CEMIP: variants seen among roughly 807,000 people sequenced by gnomAD.
CEMIP encodes cell migration-inducing and hyaluronan-binding protein.
In CEMIP, 105 loss-of-function variants were observed where a neutral mutation model predicts 156.9. The observed-to-expected ratio is 0.67, with a 90% CI of 0.57 to 0.79. The LOEUF (loss-of-function observed/expected upper bound fraction) is 0.79. CEMIP is among the 30% of genes least tolerant of loss of function. CEMIP has a pLI of 0.00. For synonymous variants in CEMIP, 676 were observed against 668.4 expected (o/e 1.01, Z -0.17); for missense variants, 1,457 against 1,769.4 (o/e 0.82, Z 3.17).
At chr15:80,853,156 C>T (rs1464048797) in intron 1 of CEMIP, among the ~76,000 whole-genome samples, 2 of 152,140 alleles carry the variant, frequency 1.3e-5, no homozygotes, top group Non-Finnish European at 2.9e-5. Context: ...ATTTAAGACC[C>T]TGGGAGAAAA....
chr15:80,878,766 A>T lies in CEMIP; in HGVS notation c.140A>T (p.Asn47Ile). 2 of 1,614,072 alleles carry T rather than the reference A, an allele frequency of 1.2e-6. No individual in the cohort carries two copies. The highest frequency in any genetic ancestry group is 1.7e-6 in the Non-Finnish European group (2 of 1,180,012). ...PDQSPELQPW[N>I]PGHDQDHHVH... ...CAGAGCCCTGAGTTGCAACCCTGGA[A>T]CCCTGGCCATGACCAAGACCACCAT... The change falls in exon 4 of 30, where the codon AAC becomes ATC. Residue 47 changes from asparagine to isoleucine, a missense_variant. Coordinates refer to ENST00000394685, the MANE Select transcript of CEMIP (RefSeq NM_001293298.2).
At chr15:80,826,499 C>A (rs896146901) in intron 1 of CEMIP, among the ~76,000 whole-genome samples, 3 of 152,192 alleles carry the variant, frequency 2.0e-5, no homozygotes, top group African/African-American at 7.2e-5. Flanking sequence ...TTTCAGTGTA[C>A]AAACCAAGTT....
chr15:80,909,112 A>C lies in CEMIP; in HGVS notation c.1603A>C (p.Lys535Gln), dbSNP rs774032614. The C allele has an allele frequency of 6.2e-7, 1 of 1,614,036 alleles. No homozygotes were observed. The highest frequency in any genetic ancestry group is 1.7e-4 in the Middle Eastern group (1 of 5,966). ...GGHIKFALGF[K>Q]AAHLEGTELK... The stretch of plus-strand genomic sequence containing the variant: ...CCTCTCCTAGTTTGCTCTGGGATTT[A>C]AGGCAGCACACTTGGAGGGCACGGA... Residue 535 changes from lysine (K) to glutamine (Q), a missense_variant, in exon 14 of 30, where the codon AAG becomes CAG. Physicochemically the swap from Lys to Gln is moderately conservative, Grantham distance 53 (BLOSUM62 1). Transcript: ENST00000394685.
chr15:80,896,730 C>T (rs1295152677), intron 12 of CEMIP, among the ~76,000 whole-genome samples: 2 of 152,136 alleles, frequency 1.3e-5, no homozygotes, highest in African/African-American at 4.8e-5. Flanking sequence ...AGTTATGTAT[C>T]AATTAGAGTT....
At chr15:80,856,670 G>A (rs1897859534) in intron 1 of CEMIP, among the ~76,000 whole-genome samples, 1 of 152,142 alleles carries the variant, frequency 6.6e-6, no homozygotes, top group Non-Finnish European at 1.5e-5. Context: ...ACAGCTCCCT[G>A]GCCCTGGGTA....
At chr15:80,871,417 A>G (rs1898286641) in intron 1 of CEMIP, among the ~76,000 whole-genome samples, 1 of 152,028 alleles carries the variant, frequency 6.6e-6, no homozygotes, top group African/African-American at 2.4e-5. Context: ...CCAGAAAGTG[A>G]CTCTTTTTTG....
At position 80,906,622 on chromosome 15, in the gene CEMIP, C is replaced by G. The variant is rs369848452; in HGVS notation, c.1412-41C>G. 1 of 1,583,618 alleles carries G rather than the reference C, an allele frequency of 6.3e-7. No homozygotes were observed. The highest frequency in any genetic ancestry group is 1.3e-5 in the African/African-American group (1 of 74,552). ...AGGGGCCCAGAACTCAGTGGGCATG[C>G]AGTACCTGCTGTTGTTTACCGTCCT... On this transcript the variant is annotated intron_variant, in intron 12 of 29. Transcript: ENST00000394685. The surrounding 1 kb of genome is among the most constrained non-coding windows in gnomAD (Gnocchi z 4.3).
chr15:80,868,123 C>T (rs766027124), intron 1 of CEMIP, among the ~76,000 whole-genome samples: 11 of 152,014 alleles, frequency 7.2e-5, no homozygotes, highest in East Asian at 1.9e-4. Flanking sequence ...CCAGGAGCCA[C>T]GGCATGGATT....
intron 28 of CEMIP, chr15:80,946,245 A>C (rs1411911581): frequency 6.5e-6 from 1 of 152,760 alleles, no homozygotes; most frequent in Non-Finnish European, 1.5e-5. Flanking sequence ...GCCTGTGTCC[A>C]TCAAAAGAAG....
rs745428233 is a variant in CEMIP, at chr15:80,932,054, A to C, written c.2793+15A>C. The stretch of plus-strand genomic sequence containing the variant: ...AGGACGTTCCGGTGAGTGAGGCGCC[A>C]GGGCAGACTCCCGGCAAACCCAGAC... On this transcript the variant is annotated intron_variant, in intron 22 of 29. Transcript: ENST00000394685. The surrounding 1 kb of genome is among the most constrained non-coding windows in gnomAD (Gnocchi z 4.5). 1 of 1,611,770 alleles carries C rather than the reference A, an allele frequency of 6.2e-7. No homozygotes were observed. The highest frequency in any genetic ancestry group is 1.3e-5 in the African/African-American group (1 of 75,052).
intron 12 of CEMIP, among the ~76,000 whole-genome samples, chr15:80,900,652 G>GTGTGTGTGTC (rs1899480122): frequency 7.1e-6 from 1 of 141,564 alleles, no homozygotes; most frequent in Non-Finnish European, 1.5e-5. Flanking sequence ...GTGTGTGTCT[G>GTGTGTGTGTC]TGTGTGTGTC....
chr15:80,830,075 G>A (rs894758811), intron 1 of CEMIP, among the ~76,000 whole-genome samples: 1 of 149,876 alleles, frequency 6.7e-6, no homozygotes, highest in Admixed American at 6.6e-5. Context: ...CAGTTTTTAT[G>A]TTATAAGGGG....
rs368233421 is a variant in CEMIP at position 80,922,136 on chromosome 15, G to A, written c.2201G>A (p.Arg734Gln). 58 of 1,614,180 alleles carry A rather than the reference G, an allele frequency of 3.6e-5. No individual in the cohort carries two copies. The highest frequency in any genetic ancestry group is 5.3e-5 in the African/African-American group (4 of 75,068). ...FYNNRAHSNY[R>Q]AGMIIDNGVK... ...AACAACCGAGCACATTCCAACTACC[G>A]GGTAAGTCTTTCCAGGCTGCGCCTC... Residue 734 changes from arginine to glutamine, a missense_variant and splice_region_variant, in exon 17 of 30, where the codon CGG becomes CAG. Around this residue, in one of 5 missense-constraint regions of CEMIP, gnomAD observed 798 missense variants for 980.1 expected, o/e 0.81. Transcript: ENST00000394685.
chr15:80,797,768 C>G (rs56067815), intron 1 of CEMIP, among the ~76,000 whole-genome samples: 64,891 of 152,158 alleles, frequency 0.43, 15,759 homozygotes, highest in East Asian at 0.61. Flanking sequence ...CACGGTGGAC[C>G]TGGGAACTAG....
chr15:80,918,755 G>T (rs1181497295), intron 14 of CEMIP, among the ~76,000 whole-genome samples: 1 of 152,178 alleles, frequency 6.6e-6, no homozygotes, highest in Non-Finnish European at 1.5e-5. Context: ...TTGCAAGGAA[G>T]TGAGCATCTC....
intron 1 of CEMIP, among the ~76,000 whole-genome samples, chr15:80,848,097 A>T (rs1897607427): frequency 6.6e-6 from 1 of 152,202 alleles, no homozygotes; most frequent in Non-Finnish European, 1.5e-5. Flanking sequence ...TAAGAAGGAG[A>T]TGACCCAGAT....
intron 1 of CEMIP, among the ~76,000 whole-genome samples, chr15:80,799,205 A>G (rs574110531): frequency 6.6e-6 from 1 of 152,376 alleles, no homozygotes; most frequent in African/African-American, 2.4e-5. Context: ...AGATGTGGTC[A>G]GCTTAGGGAT....
chr15:80,883,089 C>A (rs1898719301), intron 6 of CEMIP, among the ~76,000 whole-genome samples: 1 of 152,180 alleles, frequency 6.6e-6, no homozygotes, highest in Non-Finnish European at 1.5e-5. Context: ...ACCACCGGTA[C>A]CAACATTGTT....
At chr15:80,856,780 C>T (rs1011743802) in intron 1 of CEMIP, among the ~76,000 whole-genome samples, 4 of 152,208 alleles carry the variant, frequency 2.6e-5, no homozygotes, top group Non-Finnish European at 4.4e-5. Flanking sequence ...ACCTAGGACT[C>T]CCTGTTTCTG....
Sources: gnomAD v4.1 joint callset for allele counts (sites outside exome capture counted in the v4.1 genomes callset) on GRCh38, gnomAD v4.1.1 for gene constraint, gnomAD v4.1.1 regional missense constraint, Gnocchi (gnomAD v3.1) non-coding constraint, MANE v1.5 for transcripts, NCBI Gene and HGNC (gene_info 2026-07-23, HGNC 2026-07-21) for gene names.